PSMF1: variants seen among roughly 807,000 people sequenced by gnomAD.
PSMF1 encodes proteasome inhibitor subunit 1.
Under a neutral mutation model 29.3 loss-of-function variants are expected in PSMF1, and 30 were observed. That is an observed-to-expected ratio of 1.02 (90% CI 0.77 to 1.39). The LOEUF (loss-of-function observed/expected upper bound fraction) is 1.39. PSMF1 is among the 40% of genes most tolerant of loss of function. PSMF1 has a pLI of 0.00. For synonymous variants in PSMF1, 134 were observed against 139.7 expected (o/e 0.96, Z 0.29); for missense variants, 344 against 357.5 (o/e 0.96, Z 0.31).
rs6032989 is a variant in PSMF1 at position 1,165,851 on chromosome 20, C to G, written c.*771C>G. On this transcript the variant is annotated 3_prime_UTR_variant, in exon 7 of 7. Transcript: ENST00000335877. The stretch of plus-strand genomic sequence containing the variant: ...AAGCCAAGGAAAAAACAGAGCAGAC[C>G]TGAAGGCTAATCTTATTTTTGCCAC... The G allele has an allele frequency of 4.8e-5, 55 of 1,138,020 alleles. No individual in the cohort carries two copies. Among genetic ancestry groups the G allele is most frequent in the Non-Finnish European group, 5.5e-5 (51 of 920,306 alleles). The allele number at this position is 1,138,020 out of a possible 1,614,324, so 70.5% of individuals were successfully genotyped here.
intron 4 of PSMF1, among the ~76,000 whole-genome samples, chr20:1,155,197 G>C (rs1177294884): frequency 1.3e-5 from 2 of 152,244 alleles, no homozygotes; most frequent in Admixed American, 1.3e-4. Context: ...CGTGGACGGA[G>C]AGTGTTCCAG....
intron 1 of PSMF1, 47 bp downstream of exon 1, chr20:1,118,949 C>T: frequency 3.1e-6 from 5 of 1,602,528 alleles, no homozygotes; most frequent in Non-Finnish European, 4.3e-6. Flanking sequence ...TGTCTTCTGC[C>T]CAAACTCAGA....
chr20:1,141,475 G>A (rs2086379492), intron 4 of PSMF1, among the ~76,000 whole-genome samples: 1 of 152,030 alleles, frequency 6.6e-6, no homozygotes, highest in African/African-American at 2.4e-5. Context: ...CATGACTGGG[G>A]CTTTTTTTTT....
chr20:1,165,913 TC>T lies in PSMF1; in HGVS notation c.*834del. ...ATGACCCTAAGCAAGTTCCTTCTCC[TC>T]TTAGGGCCTTGTGCCAAGCCTATGA... On this transcript the variant is annotated 3_prime_UTR_variant, in exon 7 of 7. Transcript: ENST00000335877. 7.7e-7 allele frequency: 1 copy of T among 1,306,978 alleles called. No individual in the cohort carries two copies. 81.0% of individuals were successfully genotyped at this position (1,306,978 alleles called of 1,614,324 possible). A position where few individuals can be genotyped will look rare whatever the true frequency, so the allele number is the denominator to read the frequency against.
In PSMF1 at chr20:1,133,555, G is replaced by GTATATATATATATATA. The variant is rs1311800612; in HGVS notation, c.366-1551_366-1550insATATATATATATATAT. 1.2e-3 allele frequency among the ~76,000 whole-genome samples: 66 copies of GTATATATATATATATA among 53,912 alleles called. 3 individuals carry two copies. The highest frequency in any genetic ancestry group is 2.4e-3 in the South Asian group (4 of 1,702). 35.4% of individuals were successfully genotyped at this position (53,912 alleles called of 152,430 possible). A position where few individuals can be genotyped will look rare whatever the true frequency, so the allele number is the denominator to read the frequency against. On this transcript the variant is annotated intron_variant, in intron 3 of 6. Transcript: ENST00000335877. The stretch of plus-strand genomic sequence containing the variant: ...ATAGGATATACTAGTCTATATATGT[G>GTATATATATATATATA]TATATATATATATATTTTTTTTTTT...
chr20:1,159,468 T>C (rs991617237), intron 4 of PSMF1, among the ~76,000 whole-genome samples: 6 of 152,226 alleles, frequency 3.9e-5, no homozygotes, highest in African/African-American at 1.4e-4. Context: ...GGCCTGCAAC[T>C]GCCTTTCTAG....
chr20:1,116,856 G>T (rs368486162), upstream of PSMF1, among the ~76,000 whole-genome samples: 1 of 152,138 alleles, frequency 6.6e-6, no homozygotes, highest in Non-Finnish European at 1.5e-5. Flanking sequence ...CCTCTGTTGA[G>T]GATGGTAGGA....
chr20:1,156,828 A>G (rs967529026), intron 4 of PSMF1, among the ~76,000 whole-genome samples: 3 of 152,250 alleles, frequency 2.0e-5, no homozygotes, highest in African/African-American at 7.2e-5. Context: ...CAGGTATAAA[A>G]GAAGAGTGGT....
At chr20:1,125,015 AC>A (rs1345185649) in intron 1 of PSMF1, among the ~76,000 whole-genome samples, 1 of 152,220 alleles carries the variant, frequency 6.6e-6, no homozygotes, top group Non-Finnish European at 1.5e-5. Context: ...TGTTATTTGT[AC>A]ATGTGCTACA....
intron 4 of PSMF1, among the ~76,000 whole-genome samples, chr20:1,159,317 A>C (rs756756794): frequency 1.3e-5 from 2 of 151,982 alleles, no homozygotes; most frequent in Admixed American, 1.3e-4. Flanking sequence ...CTTGGATTAC[A>C]GGCATGAACT....
chr20:1,158,927 A>T (rs2086629616), intron 4 of PSMF1, among the ~76,000 whole-genome samples: 2 of 152,126 alleles, frequency 1.3e-5, no homozygotes, highest in South Asian at 4.1e-4. Context: ...GTGGTGGCGC[A>T]TGCCTGTAAT....
At chr20:1,151,110 T>C in intron 4 of PSMF1, among the ~76,000 whole-genome samples, 1 of 152,256 alleles carries the variant, frequency 6.6e-6, no homozygotes, top group East Asian at 1.9e-4. Flanking sequence ...CCTTTCGCCT[T>C]GGAGTCACAT....
rs114332593 is a variant in PSMF1, at chr20:1,164,356, C to T, written c.644C>T (p.Ser215Phe). 514 of 1,614,096 alleles carry T rather than the reference C, an allele frequency of 3.2e-4. 1 individual carries two copies. In the African/African-American group the frequency reaches 6.3e-3, roughly 20 times the overall value. Residue 215 changes from serine to phenylalanine, a missense_variant, in exon 6 of 7, where the codon TCT becomes TTT. By Grantham distance (155) the Ser-to-Phe change is radical (BLOSUM62 -2). Transcript: ENST00000335877. The surrounding 1 kb of genome is among the most constrained non-coding windows in gnomAD (Gnocchi z 4.1). ...GGCATGATTGTGGATCCCCTGAGAT[C>T]TGGCTTCCCAAGAGCACTTATTGAC... ...RGGMIVDPLR[S>F]GFPRALIDPS...
At chr20:1,132,541 C>G (rs1156842510) in intron 3 of PSMF1, among the ~76,000 whole-genome samples, 1 of 152,016 alleles carries the variant, frequency 6.6e-6, no homozygotes, top group South Asian at 2.1e-4. Flanking sequence ...TCCCAAAGTG[C>G]TGGGATTACA....
At chr20:1,148,553 C>T (rs1395786154) in intron 4 of PSMF1, among the ~76,000 whole-genome samples, 3 of 152,168 alleles carry the variant, frequency 2.0e-5, no homozygotes, top group Non-Finnish European at 2.9e-5. Flanking sequence ...TGTATCTTTA[C>T]ATATTTTTAA....
chr20:1,127,629 T>A (rs961335313), intron 3 of PSMF1, 121 bp downstream of exon 3: 1 of 777,786 alleles, frequency 1.3e-6, no homozygotes, highest in Non-Finnish European at 2.1e-6. Context: ...CTTTTATTTC[T>A]GGGCACAACT....
At chr20:1,122,388 C>T (rs1187570959) in intron 1 of PSMF1, among the ~76,000 whole-genome samples, 1 of 150,306 alleles carries the variant, frequency 6.7e-6, no homozygotes, top group Non-Finnish European at 1.5e-5. Context: ...TAACCTCTGC[C>T]TCCTGGGTTC....
chr20:1,153,336 G>C (rs5001787), intron 4 of PSMF1, among the ~76,000 whole-genome samples: 16,336 of 151,882 alleles, frequency 0.11, 1,420 homozygotes, highest in African/African-American at 0.24. Flanking sequence ...AGTTCCTTGC[G>C]GTTATAAGAC....
At chr20:1,140,230 G>A (rs548703987) in intron 4 of PSMF1, among the ~76,000 whole-genome samples, 55 of 152,286 alleles carry the variant, frequency 3.6e-4, no homozygotes, top group African/African-American at 1.3e-3. Context: ...CATCAGGACC[G>A]TGTGGCACTG....
Sources: gnomAD v4.1 joint callset for allele counts (sites outside exome capture counted in the v4.1 genomes callset) on GRCh38, gnomAD v4.1.1 for gene constraint, Gnocchi (gnomAD v3.1) non-coding constraint, MANE v1.5 for transcripts, NCBI Gene and HGNC (gene_info 2026-07-23, HGNC 2026-07-21) for gene names.